PCDHGA9: variants seen among roughly 807,000 people sequenced by gnomAD.
PCDHGA9 encodes the protein protocadherin gamma-A9.
Under a neutral mutation model 62.5 loss-of-function variants are expected in PCDHGA9, and 37 were observed. The observed-to-expected ratio is 0.59, with a 90% CI of 0.46 to 0.78. PCDHGA9 has a LOEUF of 0.78. Ranked by LOEUF, PCDHGA9 falls within the 30% of genes least tolerant of loss-of-function variation. The pLI is 0.00. For synonymous variants in PCDHGA9, 459 were observed against 484.6 expected (o/e 0.95, Z 0.69); for missense variants, 1,138 against 1,166.2 (o/e 0.98, Z 0.35).
intron 1 of PCDHGA9, chr5:141,414,843 G>A: frequency 3.7e-6 from 6 of 1,614,218 alleles, no homozygotes; most frequent in Non-Finnish European, 5.1e-6. Context: ...GCCTGTTTGT[G>A]CTGGACCAGA....
chr5:141,483,892 A>C (rs1463395859), intron 1 of PCDHGA9, among the ~76,000 whole-genome samples: 1 of 151,652 alleles, frequency 6.6e-6, no homozygotes, highest in Non-Finnish European at 1.5e-5. Flanking sequence ...TATTTCTCTG[A>C]GCTCTGGTGT....
At chr5:141,423,265 G>C in intron 1 of PCDHGA9, 1 of 1,613,666 alleles carries the variant, frequency 6.2e-7, no homozygotes, top group Non-Finnish European at 8.5e-7. Flanking sequence ...CGGCAGCCTC[G>C]AGTCTCTGGC....
At chr5:141,492,703 G>A (rs2099743198) in intron 1 of PCDHGA9, among the ~76,000 whole-genome samples, 1 of 152,246 alleles carries the variant, frequency 6.6e-6, no homozygotes, top group Non-Finnish European at 1.5e-5. Flanking sequence ...CAACCCAGAA[G>A]CCTCGAGCAG....
chr5:141,454,010 G>A (rs998092071), intron 1 of PCDHGA9, among the ~76,000 whole-genome samples: 2 of 152,146 alleles, frequency 1.3e-5, no homozygotes, highest in African/African-American at 4.8e-5. Context: ...TAACATTTTA[G>A]AAAAATGTAT....
chr5:141,487,591 C>T lies in PCDHGA9; in HGVS notation c.2425-7216C>T. 8 of 1,614,176 alleles carry T rather than the reference C, an allele frequency of 5.0e-6. No homozygotes were observed. The highest frequency in any genetic ancestry group is 6.8e-6 in the Non-Finnish European group (8 of 1,180,036). On this transcript the variant is annotated intron_variant, in intron 1 of 3. Coordinates refer to ENST00000573521, the MANE Select transcript of PCDHGA9 (RefSeq NM_018921.3). The surrounding 1 kb of genome is among the most constrained non-coding windows in gnomAD (Gnocchi z 5.0). ...AGCCTGTTCGCCCAAGCTGCCCACC[C>T]TCTGATCTTCTCTATGGGCTAGAGG...
chr5:141,459,909 G>A (rs7446907), intron 1 of PCDHGA9, among the ~76,000 whole-genome samples: 42,418 of 152,010 alleles, frequency 0.28, 6,645 homozygotes, highest in African/African-American at 0.43. Flanking sequence ...TGAGCTATGG[G>A]AGTTTTAAAA....
intron 1 of PCDHGA9, among the ~76,000 whole-genome samples, chr5:141,460,963 G>A (rs760674165): frequency 3.0e-4 from 27 of 89,804 alleles, no homozygotes; most frequent in Admixed American, 4.3e-4. Context: ...ATATATATAT[G>A]TGTGTGTGTG....
At chr5:141,467,564 G>A (rs926613546) in intron 1 of PCDHGA9, among the ~76,000 whole-genome samples, 5 of 152,152 alleles carry the variant, frequency 3.3e-5, no homozygotes, top group Admixed American at 3.3e-4. Flanking sequence ...TTCCCAAATG[G>A]CTATCCAGTT....
intron 1 of PCDHGA9, among the ~76,000 whole-genome samples, chr5:141,472,969 A>G: frequency 6.8e-6 from 1 of 147,990 alleles, no homozygotes; most frequent in Non-Finnish European, 1.5e-5. Flanking sequence ...CTGGGGAACA[A>G]GAGTGAAACT....
intron 1 of PCDHGA9, among the ~76,000 whole-genome samples, chr5:141,456,679 T>C (rs1357662868): frequency 2.0e-5 from 3 of 152,104 alleles, no homozygotes; most frequent in Non-Finnish European, 2.9e-5. Flanking sequence ...AAAAATGCAT[T>C]ACTGGCCAGG....
In PCDHGA9 at chr5:141,491,764, C is replaced by T; in HGVS notation, c.2425-3043C>T. The stretch of plus-strand genomic sequence containing the variant: ...CGGCACTGGAGAAGCCGCCCGTCCT[C>T]ATAAGGGATTGAACTTGCATCCACT... On this transcript the variant is annotated intron_variant, in intron 1 of 3. Transcript: ENST00000573521. The surrounding 1 kb of genome is among the most constrained non-coding windows in gnomAD (Gnocchi z 6.9). The T allele has an allele frequency of 6.4e-7, 1 of 1,570,206 alleles. No homozygotes were observed. Among genetic ancestry groups the T allele is most frequent in the Non-Finnish European group, 8.6e-7 (1 of 1,159,296 alleles).
chr5:141,497,497 C>T (rs1318882060), intron 2 of PCDHGA9, among the ~76,000 whole-genome samples: 1 of 151,714 alleles, frequency 6.6e-6, no homozygotes, highest in Non-Finnish European at 1.5e-5. Context: ...TCTCTCTCTC[C>T]TCTCTCTGCT....
At chr5:141,510,518 G>A (rs904482737) in intron 3 of PCDHGA9, among the ~76,000 whole-genome samples, 9 of 152,112 alleles carry the variant, frequency 5.9e-5, no homozygotes, top group Non-Finnish European at 1.0e-4. Flanking sequence ...CCGTGTCACA[G>A]CCCTGAGAGA....
In PCDHGA9 at chr5:141,459,848, C is replaced by T. The variant is rs573481876; in HGVS notation, c.2425-34959C>T. Among the ~76,000 whole-genome samples the T allele has an allele frequency of 1.1e-4, 16 of 152,244 alleles. No homozygotes were observed. In the South Asian group the frequency reaches 2.5e-3, roughly 24 times the overall value. ...TTTCATGTGTTGTCTATTTGTATATCTTCTTGAAGCATTCGTTCATCTTTA... is the reference window on the plus strand; with the variant it reads ...TTTCATGTGTTGTCTATTTGTATATTTTCTTGAAGCATTCGTTCATCTTTA... On this transcript the variant is annotated intron_variant, in intron 1 of 3. Transcript: ENST00000573521.
Position 141,409,702 on chromosome 5 carries a change from G to A in PCDHGA9, c.2424+4326G>A, listed in dbSNP as rs545411022. The A allele has an allele frequency of 2.0e-5, 32 of 1,613,226 alleles. No homozygotes were observed. In the South Asian group the frequency reaches 3.0e-4, roughly 15 times the overall value. On this transcript the variant is annotated intron_variant, in intron 1 of 3. Transcript: ENST00000573521. ...TGGCGAGTGACCTAGAGCCCCTGGC[G>A]GTGTCGTCATACGTGTCAGTGAGCG...
chr5:141,477,453 A>G lies in PCDHGA9; in HGVS notation c.2425-17354A>G, dbSNP rs886363658. 1 of 1,614,018 alleles carries G rather than the reference A, an allele frequency of 6.2e-7. No homozygotes were observed. Among genetic ancestry groups the G allele is most frequent in the African/African-American group, 1.3e-5 (1 of 74,910 alleles). The stretch of plus-strand genomic sequence containing the variant: ...TCAGCCCTTACAATAGTGCGTGTTC[A>G]AGTGTCCGACATCAATGACAACCCT... On this transcript the variant is annotated intron_variant, in intron 1 of 3. Coordinates refer to ENST00000573521, the MANE Select transcript of PCDHGA9 (RefSeq NM_018921.3). This position sits in a 1 kb window ranked among gnomAD's most constrained non-coding sequence, Gnocchi z 4.9.
intron 1 of PCDHGA9, among the ~76,000 whole-genome samples, chr5:141,488,661 G>T (rs573211567): frequency 6.6e-6 from 1 of 152,246 alleles, no homozygotes; most frequent in African/African-American, 2.4e-5. Context: ...GGAGGGTGGG[G>T]GAATACATGG....
Position 141,485,757 on chromosome 5 carries a change from T to A in PCDHGA9, c.2425-9050T>A. The A allele has an allele frequency of 6.2e-7, 1 of 1,614,174 alleles. No homozygotes were observed. The highest frequency in any genetic ancestry group is 8.5e-7 in the Non-Finnish European group (1 of 1,180,028). The stretch of plus-strand genomic sequence containing the variant: ...GACGGCAGCCTGGTCCCAGAGCTGC[T>A]CCTGGAGAAGCCTTTGGATCGAGAG... On this transcript the variant is annotated intron_variant, in intron 1 of 3. Transcript: ENST00000573521. The surrounding 1 kb of genome is among the most constrained non-coding windows in gnomAD (Gnocchi z 5.7).
Position 141,490,854 on chromosome 5 carries a change from C to T in PCDHGA9, c.2425-3953C>T. On this transcript the variant is annotated intron_variant, in intron 1 of 3. Transcript: ENST00000573521. The surrounding 1 kb of genome is among the most constrained non-coding windows in gnomAD (Gnocchi z 5.4). The stretch of plus-strand genomic sequence containing the variant: ...TGCAGATTGTGGTGGGGGTTCGAGA[C>T]TCCGGCTCTCCCCCATTGCATGCCA... 6.2e-7 allele frequency: 1 copy of T among 1,613,900 alleles called. No homozygotes were observed. The highest frequency in any genetic ancestry group is 8.5e-7 in the Non-Finnish European group (1 of 1,179,914).
Sources: gnomAD v4.1 joint callset for allele counts (sites outside exome capture counted in the v4.1 genomes callset) on GRCh38, gnomAD v4.1.1 for gene constraint, Gnocchi (gnomAD v3.1) non-coding constraint, MANE v1.5 for transcripts, NCBI Gene and HGNC (gene_info 2026-07-23, HGNC 2026-07-21) for gene names.